PARD6B: variants seen among roughly 807,000 people sequenced by gnomAD.
PARD6B encodes the protein partitioning defective 6 homolog beta.
In PARD6B, 4 loss-of-function variants were observed where a neutral mutation model predicts 10.5. The ratio of observed to expected loss-of-function variants is 0.38; its 90% CI spans 0.19 to 0.87. The LOEUF (loss-of-function observed/expected upper bound fraction) is 0.87. PARD6B is among the 40% of genes least tolerant of loss of function. The pLI, the probability that PARD6B is intolerant of heterozygous loss-of-function variation, is 0.41. For missense variants in PARD6B, 396 were observed against 470.6 expected (o/e 0.84, Z 1.47); for synonymous variants, 169 against 170.4 (o/e 0.99, Z 0.07).
At chr20:50,740,542 T>G (rs1480234376) in intron 2 of PARD6B, among the ~76,000 whole-genome samples, 1 of 152,194 alleles carries the variant, frequency 6.6e-6, no homozygotes, top group East Asian at 1.9e-4. Flanking sequence ...TTTATTTCCT[T>G]TCTAAGTTTT....
At chr20:50,740,064 C>T (rs1441622835) in intron 2 of PARD6B, among the ~76,000 whole-genome samples, 1 of 152,118 alleles carries the variant, frequency 6.6e-6, no homozygotes, top group Non-Finnish European at 1.5e-5. Context: ...TGAATTTTGT[C>T]TTAGGACAAA....
intron 2 of PARD6B, among the ~76,000 whole-genome samples, chr20:50,747,511 T>C (rs2087575066): frequency 6.8e-6 from 1 of 146,160 alleles, no homozygotes; most frequent in Admixed American, 6.8e-5. Flanking sequence ...TTTTTTTTTT[T>C]TGCCTAGCCA....
At chr20:50,743,011 C>T (rs1180546145) in intron 2 of PARD6B, among the ~76,000 whole-genome samples, 6 of 152,086 alleles carry the variant, frequency 3.9e-5, no homozygotes, top group African/African-American at 1.4e-4. Context: ...CTAATTGATT[C>T]GGGAGATGGG....
At chr20:50,734,509 C>CTTATTTATTTAT (rs200306022) in intron 1 of PARD6B, among the ~76,000 whole-genome samples, 13 of 150,602 alleles carry the variant, frequency 8.6e-5, no homozygotes, top group Non-Finnish European at 1.5e-4. Flanking sequence ...CTACACCCAG[C>CTTATTTATTTAT]TTATTTATTT....
intron 2 of PARD6B, among the ~76,000 whole-genome samples, chr20:50,738,339 T>G (rs2087511377): frequency 1.3e-5 from 2 of 152,264 alleles, no homozygotes; most frequent in East Asian, 3.8e-4. Flanking sequence ...TTTCCTTAAG[T>G]AGAAATTGGG....
intron 2 of PARD6B, among the ~76,000 whole-genome samples, chr20:50,748,054 T>C (rs1216780811): frequency 2.0e-5 from 3 of 152,176 alleles, no homozygotes; most frequent in Non-Finnish European, 4.4e-5. Flanking sequence ...GATCAAGAAT[T>C]CCTGCTGGGC....
rs2087590834 is a variant in PARD6B, at chr20:50,749,964, C to T, written c.595C>T (p.Pro199Ser). 6.2e-7 allele frequency: 1 copy of T among 1,614,124 alleles called. No homozygotes were observed. Among genetic ancestry groups the T allele is most frequent in the East Asian group, 2.2e-5 (1 of 44,882 alleles). ...AGGGATCTTTATATCCAGGCTTGTCCCAGGAGGTCTGGCTCAAAGTACAGG... is the reference window on the plus strand; with the variant it reads ...AGGGATCTTTATATCCAGGCTTGTCTCAGGAGGTCTGGCTCAAAGTACAGG... ...VPGIFISRLV[P>S]GGLAQSTGLL... The change falls in exon 3 of 3, where the codon CCA (proline) becomes TCA (serine). Residue 199 changes from proline to serine, a missense_variant. By Grantham distance (74) the Pro-to-Ser change is moderately conservative. This residue lies in a region of PARD6B where 208 missense variants were observed against 300.9 expected (regional missense o/e 0.69). Coordinates refer to ENST00000371610, the MANE Select transcript of PARD6B (RefSeq NM_032521.3).
At position 50,731,725 on chromosome 20, in the gene PARD6B, C is replaced by G. The variant is rs2123696677; in HGVS notation, c.-62C>G. Reference sequence around the variant, plus strand: ...TCCGAGATCCCCAGTCGCGCACTCGCTCCCCGCGCTCCTGAGGGGCCGCCC... The same window carrying G: ...TCCGAGATCCCCAGTCGCGCACTCGGTCCCCGCGCTCCTGAGGGGCCGCCC... On this transcript the variant is annotated 5_prime_UTR_variant, in exon 1 of 3. Transcript: ENST00000371610. 2 of 1,370,820 alleles carry G rather than the reference C, an allele frequency of 1.5e-6. No homozygotes were observed. Among genetic ancestry groups the G allele is most frequent in the Middle Eastern group, 5.2e-4 (2 of 3,836 alleles). The allele number at this position is 1,370,820 out of a possible 1,614,324, so 84.9% of individuals were successfully genotyped here.
chr20:50,752,566 A>C lies in PARD6B; in HGVS notation c.*2078A>C. Reference sequence around the variant, plus strand: ...TGCACAAGCACAATGGTATGCTTGTATATAGAAACTAAAAATACTATGAAG... The same window carrying C: ...TGCACAAGCACAATGGTATGCTTGTCTATAGAAACTAAAAATACTATGAAG... On this transcript the variant is annotated 3_prime_UTR_variant, in exon 3 of 3. Coordinates refer to ENST00000371610, the MANE Select transcript of PARD6B (RefSeq NM_032521.3). 1.0e-6 allele frequency: 1 copy of C among 984,110 alleles called. No homozygotes were observed. Among genetic ancestry groups the C allele is most frequent in the Non-Finnish European group, 1.2e-6 (1 of 828,492 alleles). The allele number at this position is 984,110 out of a possible 1,614,324, so 61.0% of individuals were successfully genotyped here.
chr20:50,744,147 T>G (rs1294992993), intron 2 of PARD6B, among the ~76,000 whole-genome samples: 1 of 130,862 alleles, frequency 7.6e-6, no homozygotes, highest in Admixed American at 8.7e-5. Context: ...GCAGTCTCGC[T>G]CTTGTTGCCC....
At chr20:50,733,830 AAATGAGT>A (rs1292766908) in intron 1 of PARD6B, among the ~76,000 whole-genome samples, 1 of 152,252 alleles carries the variant, frequency 6.6e-6, no homozygotes, top group Non-Finnish European at 1.5e-5. Flanking sequence ...CCACAGAAAA[AAATGAGT>A]AGGAATTCTA....
Position 50,750,513 on chromosome 20 carries a change from G to T in PARD6B, c.*25G>T. The T allele has an allele frequency of 6.3e-7, 1 of 1,597,948 alleles. No homozygotes were observed. ...AAACCGTGGTTTGAATGTTTTCAGA[G>T]TGAGGATGCCATGAGGACTTGTACA... On this transcript the variant is annotated 3_prime_UTR_variant, in exon 3 of 3. Coordinates refer to ENST00000371610, the MANE Select transcript of PARD6B (RefSeq NM_032521.3).
chr20:50,751,198 G>A lies in PARD6B; in HGVS notation c.*710G>A, dbSNP rs903252909. ...TTGCCCAAGTTGGTCTTGAACTCCT[G>A]GGCTTAAGCAGTCCTGCCTCGGCTT... On this transcript the variant is annotated 3_prime_UTR_variant, in exon 3 of 3. Coordinates refer to ENST00000371610, the MANE Select transcript of PARD6B (RefSeq NM_032521.3). 4.5e-6 allele frequency: 4 copies of A among 882,072 alleles called. No homozygotes were observed. Among genetic ancestry groups the A allele is most frequent in the Admixed American group, 6.3e-5 (1 of 15,938 alleles). 54.6% of individuals were successfully genotyped at this position (882,072 alleles called of 1,614,324 possible).
At chr20:50,734,919 G>A (rs2087491570) in intron 1 of PARD6B, among the ~76,000 whole-genome samples, 1 of 152,180 alleles carries the variant, frequency 6.6e-6, no homozygotes, top group Non-Finnish European at 1.5e-5. Flanking sequence ...GGAGGGCAAG[G>A]TGGGCGGATC....
At position 50,749,995 on chromosome 20, in the gene PARD6B, T is replaced by TA; in HGVS notation, c.627dup (p.Ala210SerfsTer3). On this transcript the variant is annotated frameshift_variant, in exon 3 of 3. Coordinates refer to ENST00000371610, the MANE Select transcript of PARD6B (RefSeq NM_032521.3). LOFTEE classifies it low-confidence loss of function (END_TRUNC). Reference sequence around the variant, plus strand: ...GGTCTGGCTCAAAGTACAGGACTATTAGCTGTTAATGATGAAGTTTTAGAA... The same window carrying TA: ...GGTCTGGCTCAAAGTACAGGACTATTAAGCTGTTAATGATGAAGTTTTAGAA... 6.2e-7 allele frequency: 1 copy of TA among 1,614,194 alleles called. No homozygotes were observed. Among genetic ancestry groups the TA allele is most frequent in the South Asian group, 1.1e-5 (1 of 91,088 alleles).
Position 50,752,991 on chromosome 20 carries a change from G to A in PARD6B, c.*2503G>A, listed in dbSNP as rs561214926. 43 of 984,020 alleles carry A rather than the reference G, an allele frequency of 4.4e-5. No homozygotes were observed. The East Asian group carries it at 3.1e-3, about 70-fold the overall frequency. The allele number at this position is 984,020 out of a possible 1,614,324, so 61.0% of individuals were successfully genotyped here. ...TTGAATGGCAAAATAATGTTAGTATGTAGAAGGTTAACTTTCATTTATAAT... is the reference window on the plus strand; with the variant it reads ...TTGAATGGCAAAATAATGTTAGTATATAGAAGGTTAACTTTCATTTATAAT... On this transcript the variant is annotated 3_prime_UTR_variant, in exon 3 of 3. Transcript: ENST00000371610.
At chr20:50,733,964 C>A (rs2087485825) in intron 1 of PARD6B, among the ~76,000 whole-genome samples, 1 of 152,162 alleles carries the variant, frequency 6.6e-6, no homozygotes, top group African/African-American at 2.4e-5. Context: ...ATTTGTGAAT[C>A]TTTCACTTAC....
intron 2 of PARD6B, among the ~76,000 whole-genome samples, chr20:50,742,055 GTGTTT>G (rs1001884416): frequency 7.2e-4 from 109 of 152,002 alleles, no homozygotes; most frequent in African/African-American, 2.4e-3. Context: ...ATATGTACTG[GTGTTT>G]TGTTTTGTTT....
At chr20:50,747,896 T>G (rs1294605777) in intron 2 of PARD6B, among the ~76,000 whole-genome samples, 1 of 152,182 alleles carries the variant, frequency 6.6e-6, no homozygotes, top group Non-Finnish European at 1.5e-5. Context: ...AGGCAGGAGC[T>G]CTCCAGTTTG....
Sources: gnomAD v4.1 joint callset for allele counts (sites outside exome capture counted in the v4.1 genomes callset) on GRCh38, gnomAD v4.1.1 for gene constraint, gnomAD v4.1.1 regional missense constraint, MANE v1.5 for transcripts, NCBI Gene and HGNC (gene_info 2026-07-23, HGNC 2026-07-21) for gene names.